Variants in ITIH5 observed in about 807,000 individuals in gnomAD.
The protein encoded by ITIH5 is inter-alpha-trypsin inhibitor heavy chain 5, also known as inter-alpha-trypsin inhibitor heavy chain H5.
ITIH5 carries 65 observed loss-of-function variants against 77.5 expected under a neutral mutation model. That is an observed-to-expected ratio of 0.84 (90% CI 0.69 to 1.03). ITIH5 has a LOEUF of 1.03. Ranked by LOEUF, ITIH5 falls within the 50% of genes least tolerant of loss-of-function variation. ITIH5 has a pLI of 0.00. For synonymous variants in ITIH5, 525 were observed against 494.3 expected (o/e 1.06, Z -0.82); for missense variants, 1,208 against 1,213.1 (o/e 1.00, Z 0.06).
intron 5 of ITIH5, among the ~76,000 whole-genome samples, chr10:7,626,655 A>C (rs965669736): frequency 6.6e-6 from 1 of 152,202 alleles, no homozygotes; most frequent in Non-Finnish European, 1.5e-5. Context: ...AGCAAATTAC[A>C]ATACAGAATG....
intron 8 of ITIH5, among the ~76,000 whole-genome samples, chr10:7,581,529 G>C (rs1476312779): frequency 3.3e-5 from 5 of 151,884 alleles, no homozygotes; most frequent in African/African-American, 4.8e-5. Flanking sequence ...TGGAAAAAAT[G>C]GTGTGAGAAC....
At chr10:7,662,265 G>A (rs1490794451) in intron 1 of ITIH5, among the ~76,000 whole-genome samples, 1 of 152,064 alleles carries the variant, frequency 6.6e-6, no homozygotes, top group Non-Finnish European at 1.5e-5. Context: ...GCTGAGGCAG[G>A]AGAATTGCTT....
At chr10:7,613,154 G>A (rs776536043) in intron 7 of ITIH5, among the ~76,000 whole-genome samples, 4 of 151,718 alleles carry the variant, frequency 2.6e-5, no homozygotes, top group African/African-American at 9.7e-5. Context: ...ACTGAGGCAG[G>A]AGAGTTGCTT....
At chr10:7,608,143 C>A (rs951732451) in intron 7 of ITIH5, among the ~76,000 whole-genome samples, 13 of 152,220 alleles carry the variant, frequency 8.5e-5, no homozygotes, top group Non-Finnish European at 1.8e-4. Context: ...TTTCTGAGCG[C>A]CTTCATTTGT....
At chr10:7,597,968 C>T (rs953843022) in intron 7 of ITIH5, among the ~76,000 whole-genome samples, 5 of 151,760 alleles carry the variant, frequency 3.3e-5, no homozygotes, top group African/African-American at 1.2e-4. Context: ...AGAACCAGTT[C>T]GCCATAATGT....
intron 2 of ITIH5, among the ~76,000 whole-genome samples, chr10:7,644,086 C>T (rs919882347): frequency 6.6e-6 from 1 of 151,952 alleles, no homozygotes; most frequent in Non-Finnish European, 1.5e-5. Flanking sequence ...ACTAGAAATA[C>T]AATTAACTGC....
rs1486432543 is a variant in ITIH5, at chr10:7,576,475, C to T, written c.1956G>A (p.Val652=). 3.7e-6 allele frequency: 6 copies of T among 1,602,220 alleles called. No individual in the cohort carries two copies. Among genetic ancestry groups the T allele is most frequent in the East Asian group, 2.2e-5 (1 of 44,688 alleles). ...TACCTGGCTGCGTGCCAGCTCCTCG[C>T]ACGCTCTGCACCACCGGTTCGGGTC... is the stretch of plus-strand genomic sequence containing the variant. ...AMGPEPVVQS[V]RGAGTQPGPL... is the part of the protein sequence containing the mutation. Residue 652 remains valine (V), a synonymous_variant, in exon 10 of 14, where the codon GTG becomes GTA. Transcript: ENST00000397146.
At chr10:7,599,080 A>G (rs1757061235) in intron 7 of ITIH5, among the ~76,000 whole-genome samples, 1 of 152,248 alleles carries the variant, frequency 6.6e-6, no homozygotes, top group African/African-American at 2.4e-5. Flanking sequence ...CTTTGCCAAT[A>G]ATATTTCTGC....
At chr10:7,573,673 C>CA (rs35214432) in intron 10 of ITIH5, among the ~76,000 whole-genome samples, 90,591 of 109,654 alleles carry the variant, frequency 0.83, 37,735 homozygotes, top group Admixed American at 0.89. Context: ...GAGACTGTCT[C>CA]AAAAAAAAAA....
intron 7 of ITIH5, among the ~76,000 whole-genome samples, chr10:7,594,911 T>C (rs764925292): frequency 1.5e-4 from 23 of 152,156 alleles, no homozygotes; most frequent in Non-Finnish European, 2.8e-4. Context: ...AAAACAGGGT[T>C]CTTACAGAGG....
intron 2 of ITIH5, among the ~76,000 whole-genome samples, chr10:7,644,566 GA>G (rs1833953094): frequency 2.8e-5 from 2 of 72,568 alleles, no homozygotes; most frequent in African/African-American, 1.1e-4. Flanking sequence ...ACATATATAT[GA>G]TATATATCAC....
chr10:7,566,113 TTTTTGTAG>T lies in ITIH5; in HGVS notation c.2436_2443del (p.Tyr813AlafsTer61), dbSNP rs762894221. 96 of 1,613,952 alleles carry T rather than the reference TTTTTGTAG, an allele frequency of 5.9e-5. No homozygotes were observed. The highest frequency in any genetic ancestry group is 8.1e-5 in the Non-Finnish European group (95 of 1,180,010). On this transcript the variant is annotated frameshift_variant, in exon 13 of 14. Coordinates refer to ENST00000397146, the MANE Select transcript of ITIH5 (RefSeq NM_030569.7). LOFTEE classifies it high-confidence loss of function. ...GTGGTGTCGCTGGAAGGGCGCCGGC[TTTTTGTAG>T]AGGTGGATGAGGATGACAAAGGCTA...
chr10:7,649,225 T>G (rs1834053622), intron 2 of ITIH5, among the ~76,000 whole-genome samples: 2 of 152,024 alleles, frequency 1.3e-5, no homozygotes, highest in South Asian at 4.2e-4. Context: ...TCTTTCTTCT[T>G]TCTTCTTCCT....
intron 4 of ITIH5, among the ~76,000 whole-genome samples, chr10:7,640,148 C>CAAAAAAA (rs56939703): frequency 0.01 from 812 of 79,900 alleles, 15 homozygotes; most frequent in Non-Finnish European, 0.013. Context: ...GGGGTAACTA[C>CAAAAAAA]AAAAAAAAAA....
At chr10:7,564,099 T>C (rs1216726312) in intron 13 of ITIH5, among the ~76,000 whole-genome samples, 1 of 152,234 alleles carries the variant, frequency 6.6e-6, no homozygotes, top group African/African-American at 2.4e-5. Context: ...GGGGTGTCGC[T>C]CAGGCTGGGC....
intron 5 of ITIH5, among the ~76,000 whole-genome samples, chr10:7,634,842 C>T (rs1365367469): frequency 6.6e-6 from 1 of 152,014 alleles, no homozygotes; most frequent in Admixed American, 6.5e-5. Flanking sequence ...CAACTCTGCC[C>T]CCTGAGAAAA....
At chr10:7,601,121 C>T (rs1833006443) in intron 7 of ITIH5, among the ~76,000 whole-genome samples, 1 of 152,088 alleles carries the variant, frequency 6.6e-6, no homozygotes, top group Non-Finnish European at 1.5e-5. Context: ...GCTCCCCTCT[C>T]CCCACAAATT....
In ITIH5 at chr10:7,579,776, T is replaced by C; in HGVS notation, c.1397A>G (p.Asp466Gly). 6.2e-7 allele frequency: 1 copy of C among 1,613,766 alleles called. No homozygotes were observed. Among genetic ancestry groups the C allele is most frequent in the Non-Finnish European group, 8.5e-7 (1 of 1,179,878 alleles). ...GLTRRVHEEE[D>G]AGSQLIGFYD... ...AGACCCGATGAGCTGCGAGCCTGCG[T>C]CCTCCTCCTCGTGCACGCGCCGTGT... Residue 466 changes from aspartate (D) to glycine (G), a missense_variant, in exon 9 of 14, where the codon GAC (aspartate) becomes GGC (glycine). By Grantham distance (94) the Asp-to-Gly change is moderately conservative. Transcript: ENST00000397146.
chr10:7,570,523 T>C (rs1832276101), intron 11 of ITIH5: 1 of 152,274 alleles, frequency 6.6e-6, no homozygotes, highest in South Asian at 2.1e-4. Flanking sequence ...CAGCCTTGCC[T>C]TTTATTATAC....
Sources: allele counts gnomAD v4.1 joint callset (sites outside exome capture counted in the v4.1 genomes callset), GRCh38; gene constraint gnomAD v4.1.1; transcripts MANE v1.5; gene names NCBI Gene and HGNC (gene_info 2026-07-23, HGNC 2026-07-21).